Variants in LAMC1 observed in about 807,000 individuals in gnomAD.
LAMC1 encodes laminin subunit gamma 1.
Under a neutral mutation model 173.6 loss-of-function variants are expected in LAMC1, and 38 were observed. That is an observed-to-expected ratio of 0.22 (90% CI 0.17 to 0.29). LAMC1 has a LOEUF of 0.29. Among genes scored for constraint, LAMC1 ranks in the 10% least tolerant of loss-of-function variants. The pLI, the probability that LAMC1 is intolerant of heterozygous loss-of-function variation, is 1.00. For synonymous variants in LAMC1, 746 were observed against 749.1 expected, an observed-to-expected ratio of 1.00 and a Z score of 0.07; for missense variants, 1,824 against 2,051.8, an observed-to-expected ratio of 0.89 and a Z score of 2.14.
intron 1 of LAMC1, among the ~76,000 whole-genome samples, chr1:183,065,974 G>A (rs1036244594): frequency 1.3e-5 from 2 of 152,140 alleles, no homozygotes; most frequent in Non-Finnish European, 2.9e-5. Context: ...TTTAATAAGC[G>A]AGAGAATGCT....
intron 1 of LAMC1, among the ~76,000 whole-genome samples, chr1:183,070,576 C>G (rs971058098): frequency 6.6e-5 from 10 of 152,124 alleles, no homozygotes; most frequent in Non-Finnish European, 4.4e-5. Flanking sequence ...GAGATAAGAG[C>G]TCCTATTAGA....
At chr1:183,095,813 CT>C (rs1244765922) in intron 1 of LAMC1, among the ~76,000 whole-genome samples, 2 of 152,106 alleles carry the variant, frequency 1.3e-5, no homozygotes, top group African/African-American at 2.4e-5. Context: ...ACTTGGGAAT[CT>C]TTTTTGGTGA....
intron 1 of LAMC1, among the ~76,000 whole-genome samples, chr1:183,052,060 C>A (rs77033315): frequency 0.012 from 1,855 of 152,254 alleles, 14 homozygotes; most frequent in East Asian, 0.052. Flanking sequence ...ATAAAAAAAT[C>A]ATTCCTTTTG....
chr1:183,100,776 ACT>A lies in LAMC1; in HGVS notation c.419-2547_419-2546del, dbSNP rs548180529. Among the ~76,000 whole-genome samples, 108 of 151,938 alleles carry A rather than the reference ACT, an allele frequency of 7.1e-4. 1 individual carries two copies. Among genetic ancestry groups the A allele is most frequent in the African/African-American group, 2.4e-3 (99 of 41,426 alleles). On this transcript the variant is annotated intron_variant, in intron 1 of 27. Transcript: ENST00000258341. ...TGCAACTCTGAGGGTGGTGCACGTGACTCTCTTGTCATGGAGGTGTGTGAGCC... is the reference window on the plus strand; with the variant it reads ...TGCAACTCTGAGGGTGGTGCACGTGACTCTTGTCATGGAGGTGTGTGAGCC...
At chr1:183,043,050 T>TA (rs1457739275) in intron 1 of LAMC1, among the ~76,000 whole-genome samples, 12 of 152,232 alleles carry the variant, frequency 7.9e-5, no homozygotes, top group African/African-American at 9.6e-5. Flanking sequence ...GGCTTGAACA[T>TA]ATACAGTTTT....
At chr1:183,068,234 G>GT (rs561703501) in intron 1 of LAMC1, among the ~76,000 whole-genome samples, 1,677 of 150,868 alleles carry the variant, frequency 0.011, 29 homozygotes, top group South Asian at 0.079. Context: ...ATTTTGTATT[G>GT]TTTTTTTTTG....
At chr1:183,050,158 G>C (rs1351391667) in intron 1 of LAMC1, among the ~76,000 whole-genome samples, 1 of 151,924 alleles carries the variant, frequency 6.6e-6, no homozygotes, top group Non-Finnish European at 1.5e-5. Context: ...TCTTTTGAAA[G>C]ATAGTGTTGT....
At chr1:183,049,336 A>G (rs1403131121) in intron 1 of LAMC1, among the ~76,000 whole-genome samples, 3 of 152,248 alleles carry the variant, frequency 2.0e-5, no homozygotes, top group South Asian at 2.1e-4. Context: ...GTCTTTTTAA[A>G]AAATTGTATA....
chr1:183,033,960 A>G (rs1386229360), intron 1 of LAMC1, among the ~76,000 whole-genome samples: 1 of 152,040 alleles, frequency 6.6e-6, no homozygotes, highest in South Asian at 2.1e-4. Flanking sequence ...TGGCCTCCCA[A>G]AGTGCTGGGA....
At chr1:183,117,264 C>G (rs1282252259) in intron 8 of LAMC1, 56 bp from the exon 9 acceptor site, 8 of 1,554,412 alleles carry the variant, frequency 5.1e-6, no homozygotes, top group Non-Finnish European at 7.0e-6. Flanking sequence ...CATAGAGGAC[C>G]TGAATTCAGG....
chr1:183,041,306 G>C (rs537949404), intron 1 of LAMC1, among the ~76,000 whole-genome samples: 3 of 152,096 alleles, frequency 2.0e-5, no homozygotes, highest in African/African-American at 7.2e-5. Flanking sequence ...TGCTCCCACC[G>C]TGTGGGTACT....
intron 1 of LAMC1, among the ~76,000 whole-genome samples, chr1:183,055,589 A>G (rs1654567702): frequency 6.6e-6 from 1 of 152,000 alleles, no homozygotes; most frequent in African/African-American, 2.4e-5. Context: ...CAAGGCGGGC[A>G]GATCACAAGG....
chr1:183,121,133 T>C (rs1167068964), intron 11 of LAMC1, among the ~76,000 whole-genome samples: 1 of 152,036 alleles, frequency 6.6e-6, no homozygotes, highest in South Asian at 2.1e-4. Flanking sequence ...AAAAAATTAG[T>C]TTGGGCCGGG....
intron 1 of LAMC1, among the ~76,000 whole-genome samples, chr1:183,041,424 A>G (rs1266034336): frequency 6.6e-6 from 1 of 152,172 alleles, no homozygotes. Context: ...AGATTTTGCT[A>G]ATTTCTAATT....
At chr1:183,075,585 T>C (rs906850216) in intron 1 of LAMC1, among the ~76,000 whole-genome samples, 3 of 152,174 alleles carry the variant, frequency 2.0e-5, no homozygotes, top group Non-Finnish European at 4.4e-5. Context: ...GGTATAGTAA[T>C]ATATGTATTA....
intron 1 of LAMC1, among the ~76,000 whole-genome samples, chr1:183,076,379 C>T (rs1655120074): frequency 6.6e-6 from 1 of 152,256 alleles, no homozygotes; most frequent in African/African-American, 2.4e-5. Context: ...TAATTGTTAG[C>T]AGTAAGGAAC....
At position 183,128,470 on chromosome 1, in the gene LAMC1, TAAAAA is replaced by T. The variant is rs59134708; in HGVS notation, c.3124-113_3124-109del. 89,921 of 612,734 alleles carry T rather than the reference TAAAAA, an allele frequency of 0.15. 6,728 individuals carry two copies. The highest frequency in any genetic ancestry group is 0.25 in the Admixed American group (7,459 of 30,386). 38.0% of individuals were successfully genotyped at this position (612,734 alleles called of 1,614,324 possible). Reference sequence around the variant, plus strand: ...CTAAAACTTAAAGTATAATAATAATTAAAAAAAAAAAAAAAGAACTACATATTCAT... The same window carrying T: ...CTAAAACTTAAAGTATAATAATAATTAAAAAAAAAAGAACTACATATTCAT... On this transcript the variant is annotated intron_variant, in intron 17 of 27. Transcript: ENST00000258341.
intron 18 of LAMC1, among the ~76,000 whole-genome samples, chr1:183,130,073 C>T (rs1206451737): frequency 1.3e-5 from 2 of 152,158 alleles, no homozygotes; most frequent in African/African-American, 4.8e-5. Context: ...TCTTTGCCAA[C>T]CACTGCATAA....
rs570249350 is a variant in LAMC1 at position 183,036,087 on chromosome 1, G to A, written c.418+11953G>A. Among the ~76,000 whole-genome samples the A allele has an allele frequency of 2.6e-3, 379 of 143,974 alleles. 4 individuals are homozygous for A. Among genetic ancestry groups the A allele is most frequent in the African/African-American group, 8.5e-3 (326 of 38,550 alleles). The allele number at this position is 143,974 out of a possible 152,430, so 94.5% of individuals were successfully genotyped here. On this transcript the variant is annotated intron_variant, in intron 1 of 27. Transcript: ENST00000258341. ...AAAACTACCCTCACACTTTGTGCTT[G>A]AATGAATTCTTTTTTTTTTTTTTTT...
Sources: allele counts gnomAD v4.1 joint callset (sites outside exome capture counted in the v4.1 genomes callset), GRCh38; gene constraint gnomAD v4.1.1; transcripts MANE v1.5; gene names NCBI Gene and HGNC (gene_info 2026-07-23, HGNC 2026-07-21).